COBLL1: variants seen among roughly 807,000 people sequenced by gnomAD.
COBLL1 encodes the protein cordon-bleu protein-like 1.
Under a neutral mutation model 94.8 loss-of-function variants are expected in COBLL1, and 50 were observed. The observed-to-expected ratio is 0.53, with a 90% CI of 0.42 to 0.67. The LOEUF (loss-of-function observed/expected upper bound fraction) is 0.67. Among genes scored for constraint, COBLL1 ranks in the 30% least tolerant of loss-of-function variants. COBLL1 has a pLI of 0.00. For missense variants in COBLL1, 1,362 were observed against 1,348.7 expected, an observed-to-expected ratio of 1.01 and a Z score of -0.15; for synonymous variants, 448 against 473.8, an observed-to-expected ratio of 0.95 and a Z score of 0.71.
chr2:164,754,800 CTT>C (rs1395865126), intron 2 of COBLL1, among the ~76,000 whole-genome samples: 1 of 152,068 alleles, frequency 6.6e-6, no homozygotes, highest in African/African-American at 2.4e-5. Context: ...CATGTAAATC[CTT>C]TTGTTCAATA....
chr2:164,719,138 G>A (rs1685322431), intron 7 of COBLL1, among the ~76,000 whole-genome samples: 1 of 151,994 alleles, frequency 6.6e-6, no homozygotes, highest in African/African-American at 2.4e-5. Flanking sequence ...AAAGATGTCA[G>A]CAGAGGGAAT....
At chr2:164,791,636 C>T (rs1683194183) in intron 2 of COBLL1, among the ~76,000 whole-genome samples, 1 of 152,186 alleles carries the variant, frequency 6.6e-6, no homozygotes, top group Non-Finnish European at 1.5e-5. Flanking sequence ...TTCTCAGGCT[C>T]CCTTACATCC....
downstream of COBLL1, among the ~76,000 whole-genome samples, chr2:164,677,031 T>C (rs899721935): frequency 1.3e-5 from 2 of 152,152 alleles, no homozygotes; most frequent in African/African-American, 4.8e-5. Context: ...CCTATCCCCC[T>C]TTCTCCCTCT....
Position 164,728,073 on chromosome 2 carries a change from T to C in COBLL1, c.557A>G (p.His186Arg), listed in dbSNP as rs368317897. ...TTGATAATCTTTCAACAATAGTGTA[T>C]GCAACGGATCAAACTCACATTTGCT... ...ICSKCEFDPL[H>R]TLLLKDYQSQ... The change falls in exon 5 of 14, where the codon CAT (histidine) becomes CGT (arginine). Residue 186 changes from histidine to arginine, a missense_variant. His to Arg is a conservative substitution (Grantham distance 29). Coordinates refer to ENST00000652658, the MANE Select transcript of COBLL1 (RefSeq NM_001365672.2). The C allele has an allele frequency of 2.2e-4, 357 of 1,613,626 alleles. No homozygotes were observed. The highest frequency in any genetic ancestry group is 2.8e-4 in the Non-Finnish European group (325 of 1,179,682).
intron 2 of COBLL1, among the ~76,000 whole-genome samples, chr2:164,835,203 G>A (rs901436688): frequency 2.0e-5 from 3 of 152,124 alleles, no homozygotes; most frequent in African/African-American, 4.8e-5. Flanking sequence ...GTCTTCAAGA[G>A]GTATTTGTAC....
At chr2:164,811,897 T>C (rs1225483306) in intron 2 of COBLL1, among the ~76,000 whole-genome samples, 2 of 152,006 alleles carry the variant, frequency 1.3e-5, no homozygotes, top group African/African-American at 4.8e-5. Context: ...TCCTCTGTGG[T>C]AGCATTTTTG....
Position 164,700,009 on chromosome 2 carries a change from T to C in COBLL1, c.1461-510A>G, listed in dbSNP as rs546904407. Among the ~76,000 whole-genome samples the C allele has an allele frequency of 4.6e-5, 7 of 152,200 alleles. 1 individual carries two copies. The Middle Eastern group carries it at 0.024, about 518-fold the overall frequency. The stretch of plus-strand genomic sequence containing the variant: ...GCTTGGTTGATTTCATCTTTATCCA[T>C]GTTGTTGCATTTCAAACCTAAGTGG... On this transcript the variant is annotated intron_variant, in intron 10 of 13. Transcript: ENST00000652658.
chr2:164,817,130 C>T (rs575721395), intron 2 of COBLL1, among the ~76,000 whole-genome samples: 4 of 152,142 alleles, frequency 2.6e-5, no homozygotes, highest in Admixed American at 6.5e-5. Flanking sequence ...TGAGAACTCA[C>T]TGAGCAAGTG....
chr2:164,661,184 G>C (rs2105382271), intron 2 of COBLL1, among the ~76,000 whole-genome samples: 1 of 151,974 alleles, frequency 6.6e-6, no homozygotes, highest in South Asian at 2.1e-4. Context: ...CAAAGTTTAA[G>C]AATTAATCAT....
chr2:164,723,448 G>C (rs1484137316), intron 5 of COBLL1: 1 of 152,108 alleles, frequency 6.6e-6, no homozygotes, highest in Non-Finnish European at 1.5e-5. Context: ...GAGAATGGTT[G>C]ATTCTCTGTT....
chr2:164,762,297 T>C (rs1687722223), intron 2 of COBLL1, among the ~76,000 whole-genome samples: 1 of 152,248 alleles, frequency 6.6e-6, no homozygotes, highest in South Asian at 2.1e-4. Flanking sequence ...CTGGGCAAAA[T>C]AAAAGTCAAC....
chr2:164,781,010 C>T (rs1396114933), intron 2 of COBLL1, among the ~76,000 whole-genome samples: 1 of 152,146 alleles, frequency 6.6e-6, no homozygotes, highest in Non-Finnish European at 1.5e-5. Flanking sequence ...TTTAAATACA[C>T]AAACATCCCT....
intron 2 of COBLL1, among the ~76,000 whole-genome samples, chr2:164,813,797 A>T (rs34478915): frequency 6.6e-6 from 1 of 152,080 alleles, no homozygotes; most frequent in East Asian, 1.9e-4. Context: ...ATATGATCAC[A>T]TGATTATTTT....
At chr2:164,701,958 A>T (rs1407573048) in intron 9 of COBLL1, among the ~76,000 whole-genome samples, 5 of 152,098 alleles carry the variant, frequency 3.3e-5, no homozygotes, top group Non-Finnish European at 7.4e-5. Flanking sequence ...CATTCAGAAA[A>T]TTTAATTTAA....
chr2:164,779,210 A>G (rs779697465), intron 2 of COBLL1, among the ~76,000 whole-genome samples: 1 of 152,008 alleles, frequency 6.6e-6, no homozygotes, highest in Non-Finnish European at 1.5e-5. Flanking sequence ...CTTTTCTTAG[A>G]TTCTAGGTGG....
At chr2:164,677,277 G>T (rs747097200), downstream of COBLL1, among the ~76,000 whole-genome samples, 17 of 151,792 alleles carry the variant, frequency 1.1e-4, no homozygotes, top group Non-Finnish European at 2.2e-4. Context: ...TATTACCAAA[G>T]CATCCAAAGC....
chr2:164,781,925 C>T (rs1688739463), intron 2 of COBLL1, among the ~76,000 whole-genome samples: 1 of 152,230 alleles, frequency 6.6e-6, no homozygotes, highest in African/African-American at 2.4e-5. Flanking sequence ...TCCCTAAAAA[C>T]ATTATCAATG....
rs565362983 is a variant in COBLL1, at chr2:164,667,331, A to T, written n.127-1430T>A. Among the ~76,000 whole-genome samples the T allele has an allele frequency of 4.6e-5, 7 of 152,284 alleles. No homozygotes were observed. In the East Asian group the frequency reaches 1.4e-3, roughly 29 times the overall value. Reference sequence around the variant, plus strand: ...TAGCATAATTACGAAGGACGCTCATATTTTTTGGAATGCTAAATGAGCACT... The same window carrying T: ...TAGCATAATTACGAAGGACGCTCATTTTTTTTGGAATGCTAAATGAGCACT... On this transcript the variant is annotated intron_variant and non_coding_transcript_variant, in intron 1 of 2. Transcript: ENST00000495084.
intron 3 of COBLL1, among the ~76,000 whole-genome samples, chr2:164,738,569 G>GTA (rs60533014): frequency 0.063 from 9,523 of 152,226 alleles, 373 homozygotes; most frequent in African/African-American, 0.12. Context: ...TGTAACAGTA[G>GTA]TCCTTTAATG....
Sources: gnomAD v4.1 joint callset for allele counts (sites outside exome capture counted in the v4.1 genomes callset) on GRCh38, gnomAD v4.1.1 for gene constraint, MANE v1.5 for transcripts, NCBI Gene and HGNC (gene_info 2026-07-23, HGNC 2026-07-21) for gene names.